Variants in PPP6R1 observed in about 807,000 individuals in gnomAD.
The protein encoded by PPP6R1 is protein phosphatase 6 regulatory subunit 1, also known as serine/threonine-protein phosphatase 6 regulatory subunit 1.
A neutral mutation model predicts 104.6 loss-of-function variants in PPP6R1; 39 were observed. That is an observed-to-expected ratio of 0.37 (90% CI 0.29 to 0.49). The LOEUF (loss-of-function observed/expected upper bound fraction) is 0.49, where lower values mean the gene tolerates loss of function less well. Among genes scored for constraint, PPP6R1 ranks in the 20% least tolerant of loss-of-function variants. The pLI is 0.98. For missense variants in PPP6R1, 1,181 were observed against 1,155.8 expected, an observed-to-expected ratio of 1.02 and a Z score of -0.32; for synonymous variants, 549 against 479.0, an observed-to-expected ratio of 1.15 and a Z score of -1.91.
At chr19:55,255,633 C>T (rs944710910) in intron 1 of PPP6R1, 9 of 152,318 alleles carry the variant, frequency 5.9e-5, no homozygotes, top group African/African-American at 2.2e-4. Context: ...CCCACTCTGG[C>T]AAGGCCCCTC....
At chr19:55,244,204 G>C (rs997705084) in intron 5 of PPP6R1, among the ~76,000 whole-genome samples, 1 of 152,216 alleles carries the variant, frequency 6.6e-6, no homozygotes, top group Non-Finnish European at 1.5e-5. Flanking sequence ...GGTGAGCCCA[G>C]AGCCATCTCT....
At chr19:55,236,310 A>G (rs571324067) in intron 17 of PPP6R1, 2 of 251,114 alleles carry the variant, frequency 8.0e-6, no homozygotes, top group Non-Finnish European at 1.5e-5. Context: ...GCACACCACC[A>G]TGCCCATCTA....
chr19:55,232,224 C>T lies in PPP6R1; in HGVS notation c.1989-13G>A, dbSNP rs903073883. 13 of 1,534,150 alleles carry T rather than the reference C, an allele frequency of 8.5e-6. No homozygotes were observed. The highest frequency in any genetic ancestry group is 1.1e-5 in the Non-Finnish European group (13 of 1,136,868). On this transcript the variant is annotated splice_polypyrimidine_tract_variant and intron_variant, in intron 17 of 23. Transcript: ENST00000412770. ...GCTGCCTCCACTCCTGCCCCAGAAACCACCTCGTCAGCTAGCTGTGTGGGA... is the reference window on the plus strand; with the variant it reads ...GCTGCCTCCACTCCTGCCCCAGAAATCACCTCGTCAGCTAGCTGTGTGGGA...
In PPP6R1 at chr19:55,245,436, CT is replaced by C; in HGVS notation, c.415-35del. 6.2e-7 allele frequency: 1 copy of C among 1,612,466 alleles called. No homozygotes were observed. Among genetic ancestry groups the C allele is most frequent in the Non-Finnish European group, 8.5e-7 (1 of 1,179,246 alleles). On this transcript the variant is annotated intron_variant, in intron 3 of 23. Transcript: ENST00000412770. This position sits in a 1 kb window ranked among gnomAD's most constrained non-coding sequence, Gnocchi z 6.4. ...ACACGGGCTGCGTCATGCACAGGGC[CT>C]GGCCCAGCCACCACCCCTCAACCCA...
downstream of PPP6R1, chr19:55,228,317 G>A: frequency 6.2e-7 from 1 of 1,613,882 alleles, no homozygotes; most frequent in Non-Finnish European, 8.5e-7. Context: ...GCCAGGCAGA[G>A]GACGGGCAGG....
At chr19:55,252,678 G>T (rs1174256737) in intron 1 of PPP6R1, among the ~76,000 whole-genome samples, 1 of 151,966 alleles carries the variant, frequency 6.6e-6, no homozygotes, top group Non-Finnish European at 1.5e-5. Context: ...GGGATTACAG[G>T]CATGAATCAC....
chr19:55,236,357 G>A, intron 17 of PPP6R1: 1 of 384,780 alleles, frequency 2.6e-6, no homozygotes, highest in Non-Finnish European at 4.7e-6. Flanking sequence ...ATCTCCCTAT[G>A]TTGCCCAGGG....
At position 55,247,060 on chromosome 19, in the gene PPP6R1, G is replaced by A. The variant is rs759443283; in HGVS notation, c.44C>T (p.Thr15Met). 7 of 1,613,622 alleles carry A rather than the reference G, an allele frequency of 4.3e-6. No homozygotes were observed. The highest frequency in any genetic ancestry group is 2.7e-5 in the African/African-American group (2 of 74,930). The change falls in exon 2 of 24, where the codon ACG becomes ATG. Residue 15 changes from threonine (T) to methionine (M), a missense_variant. By Grantham distance (81) the Thr-to-Met change is moderately conservative. Around this residue, in one of 2 missense-constraint regions of PPP6R1, gnomAD observed 139 missense variants for 200.1 expected, o/e 0.69. Transcript: ENST00000412770. ...FDLHTSSHLD[T>M]LLEREDLSLP... Reference sequence around the variant, plus strand: ...GCTCAGGTCCTCCCGCTCCAGCAGCGTGTCCAGGTGCGAGCTTGTGTGCAG... The same window carrying A: ...GCTCAGGTCCTCCCGCTCCAGCAGCATGTCCAGGTGCGAGCTTGTGTGCAG...
chr19:55,232,322 C>G, intron 17 of PPP6R1, 111 bp from the exon 18 acceptor site: 1 of 1,437,658 alleles, frequency 7.0e-7, no homozygotes, highest in Non-Finnish European at 9.1e-7. Flanking sequence ...GGATGACAGG[C>G]AGGTCACAGA....
At chr19:55,237,066 A>T in intron 15 of PPP6R1, 96 bp from the exon 16 acceptor site, 2 of 1,308,852 alleles carry the variant, frequency 1.5e-6, no homozygotes. Context: ...CACAGAGCTG[A>T]CCCTCATTAC....
At position 55,239,315 on chromosome 19, in the gene PPP6R1, T is replaced by C. The variant is rs1244116414; in HGVS notation, c.1751+90A>G. ...AGCTGCAGGCTGAGCCCACAGGGCA[T>C]GTAGGTGCGTGCAGGGGACAGATAC... On this transcript the variant is annotated intron_variant, in intron 15 of 23. Coordinates refer to ENST00000412770, the MANE Select transcript of PPP6R1 (RefSeq NM_014931.4). 15 of 1,282,206 alleles carry C rather than the reference T, an allele frequency of 1.2e-5. No individual in the cohort carries two copies. In the East Asian group the frequency reaches 2.0e-4, roughly 17 times the overall value. 79.4% of individuals were successfully genotyped at this position (1,282,206 alleles called of 1,614,324 possible). A position where few individuals can be genotyped will look rare whatever the true frequency, so the allele number is the denominator to read the frequency against.
intron 5 of PPP6R1, among the ~76,000 whole-genome samples, chr19:55,243,862 A>C (rs941323906): frequency 1.3e-5 from 2 of 152,162 alleles, no homozygotes; most frequent in Admixed American, 1.3e-4. Context: ...TATGTTGCCC[A>C]GGCTAGTCTC....
chr19:55,232,342 GGAGCC>G, intron 17 of PPP6R1, 131 bp from the exon 18 acceptor site: 2 of 1,380,418 alleles, frequency 1.4e-6, no homozygotes, highest in South Asian at 3.1e-5. Flanking sequence ...AAGGGTCCAG[GGAGCC>G]TGGGGTGTGA....
At chr19:55,244,796 G>A (rs544104292) in intron 5 of PPP6R1, among the ~76,000 whole-genome samples, 2 of 151,486 alleles carry the variant, frequency 1.3e-5, no homozygotes, top group Non-Finnish European at 2.9e-5. Flanking sequence ...CCAGGCTGGA[G>A]TGCAGTGGTG....
At chr19:55,234,058 T>C (rs537527229) in intron 17 of PPP6R1, among the ~76,000 whole-genome samples, 1 of 152,316 alleles carries the variant, frequency 6.6e-6, no homozygotes, top group East Asian at 1.9e-4. Flanking sequence ...CAAGCGATAT[T>C]CCTGCCTCAG....
intron 13 of PPP6R1, 32 bp downstream of exon 13, chr19:55,239,794 G>A: frequency 3.1e-6 from 5 of 1,607,788 alleles, no homozygotes; most frequent in Non-Finnish European, 3.4e-6. Context: ...AGAAGCAGCA[G>A]GAGGAGTGCA....
At chr19:55,228,632 C>T (rs1013214076), downstream of PPP6R1, 1 of 1,577,610 alleles carries the variant, frequency 6.3e-7, no homozygotes, top group Admixed American at 1.8e-5. Flanking sequence ...GACCCGCCGG[C>T]TGCTGGGGTT....
rs1377796526 is a variant in PPP6R1 at position 55,231,460 on chromosome 19, G to C, written c.2409C>G (p.Asp803Glu). Residue 803 changes from aspartate (D) to glutamate (E), a missense_variant, in exon 21 of 24, where the codon GAC becomes GAG. By Grantham distance (45) the Asp-to-Glu change is conservative. This residue lies in a region of PPP6R1 where 1,042 missense variants were observed against 955.6 expected (regional missense o/e 1.09). Coordinates refer to ENST00000412770, the MANE Select transcript of PPP6R1 (RefSeq NM_014931.4). ...APCQALVSIG[D>E]LQATFHGIRS... ...GGATCCCGTGGAAGGTGGCCTGAAG[G>C]TCCCCGATGCTAACCAAGGCCTGGC... is the stretch of plus-strand genomic sequence containing the variant. 3.7e-6 allele frequency: 6 copies of C among 1,608,610 alleles called. No homozygotes were observed. The Admixed American group carries it at 1.0e-4, about 27-fold the overall frequency.
chr19:55,248,807 A>G lies in PPP6R1; in HGVS notation c.-6-1698T>C, dbSNP rs184977527. On this transcript the variant is annotated intron_variant, in intron 1 of 23. Transcript: ENST00000412770. The stretch of plus-strand genomic sequence containing the variant: ...AGCCTGGGCTGACAAAACGCAGGAC[A>G]GAGTCCCACACATGGCCTCAGGCAG... Among the ~76,000 whole-genome samples the G allele has an allele frequency of 7.9e-5, 12 of 152,328 alleles. No individual in the cohort carries two copies. The East Asian group carries it at 2.3e-3, about 29-fold the overall frequency.
Sources: gnomAD v4.1 joint callset for allele counts (sites outside exome capture counted in the v4.1 genomes callset) on GRCh38, gnomAD v4.1.1 for gene constraint, gnomAD v4.1.1 regional missense constraint, Gnocchi (gnomAD v3.1) non-coding constraint, MANE v1.5 for transcripts, NCBI Gene and HGNC (gene_info 2026-07-23, HGNC 2026-07-21) for gene names.